Variants in SLC9C2 observed in about 807,000 individuals in gnomAD.
SLC9C2 encodes the protein solute carrier family 9 member C2 (putative), also known as sodium/hydrogen exchanger 11.
In SLC9C2, 75 loss-of-function variants were observed where a neutral mutation model predicts 140.2. That is an observed-to-expected ratio of 0.53 (90% confidence interval 0.44 to 0.65). The LOEUF (loss-of-function observed/expected upper bound fraction) is 0.65. SLC9C2 is among the 30% of genes least tolerant of loss of function. SLC9C2 has a pLI of 0.00. For missense variants in SLC9C2, 1,074 were observed against 1,331.8 expected (o/e 0.81, Z 3.01); for synonymous variants, 375 against 420.9 (o/e 0.89, Z 1.34).
At chr1:173,587,588 G>A (rs1211666119) in intron 5 of SLC9C2, 77 bp downstream of exon 5, 3 of 1,356,652 alleles carry the variant, frequency 2.2e-6, no homozygotes, top group Admixed American at 2.2e-5. Flanking sequence ...CACAATTCAT[G>A]CAAGAAAAAT....
intron 17 of SLC9C2, among the ~76,000 whole-genome samples, chr1:173,531,262 G>A (rs147718319): frequency 7.9e-4 from 121 of 152,290 alleles, no homozygotes; most frequent in Admixed American, 2.6e-3. Flanking sequence ...ATTTGTCAGA[G>A]CATGCTAGAC....
At chr1:173,567,852 A>G (rs1245776726) in intron 9 of SLC9C2, among the ~76,000 whole-genome samples, 1 of 152,124 alleles carries the variant, frequency 6.6e-6, no homozygotes, top group East Asian at 1.9e-4. Context: ...GGTTACCATG[A>G]AGCTGGTAAA....
Position 173,581,932 on chromosome 1 carries a change from A to C in SLC9C2, c.717T>G (p.Ile239Met). Reference protein sequence around the residue: ...IIFGYWCAKIIQCILADVFSN... With the variant: ...IIFGYWCAKIMQCILADVFSN... ...TAAAAACGTCAGCCAATATACACTG[A>C]ATGATTTTTGCACACCAATATCCAA... The change falls in exon 7 of 28, where the codon ATT (isoleucine) becomes ATG (methionine). Residue 239 changes from isoleucine to methionine, a missense_variant. Ile to Met is a conservative substitution (Grantham distance 10). Coordinates refer to ENST00000367714, the MANE Select transcript of SLC9C2 (RefSeq NM_178527.4). 6.2e-7 allele frequency: 1 copy of C among 1,608,166 alleles called. No individual in the cohort carries two copies. The highest frequency in any genetic ancestry group is 1.1e-5 in the South Asian group (1 of 90,038).
At chr1:173,583,416 T>C in intron 6 of SLC9C2, 90 bp downstream of exon 6, 1 of 737,344 alleles carries the variant, frequency 1.4e-6, no homozygotes. Flanking sequence ...AAGTAAAGTA[T>C]AGAGAAGGCA....
chr1:173,587,164 G>T (rs1025005181), intron 5 of SLC9C2, among the ~76,000 whole-genome samples: 2 of 152,140 alleles, frequency 1.3e-5, no homozygotes, highest in Non-Finnish European at 2.9e-5. Flanking sequence ...ACATTTGAGT[G>T]CCAAACTATA....
chr1:173,563,998 C>G (rs1179588968), intron 9 of SLC9C2, among the ~76,000 whole-genome samples: 2 of 152,086 alleles, frequency 1.3e-5, no homozygotes, highest in Admixed American at 6.6e-5. Context: ...ACATAATGAC[C>G]TCCAGTTCTT....
chr1:173,589,485 A>C (rs1666038608), intron 4 of SLC9C2, among the ~76,000 whole-genome samples: 1 of 152,140 alleles, frequency 6.6e-6, no homozygotes, highest in Non-Finnish European at 1.5e-5. Flanking sequence ...ACTTGAGCCC[A>C]GGAGGTCGAG....
At position 173,533,720 on chromosome 1, in the gene SLC9C2, A is replaced by C; in HGVS notation, c.2052T>G (p.Ile684Met). The C allele has an allele frequency of 6.2e-7, 1 of 1,609,860 alleles. No homozygotes were observed. Among genetic ancestry groups the C allele is most frequent in the South Asian group, 1.1e-5 (1 of 90,858 alleles). Reference sequence around the variant, plus strand: ...TCACAAAGTATACACAAAAGATATCAATGATTCCAATAACCAGGATAAAAA... The same window carrying C: ...TCACAAAGTATACACAAAAGATATCCATGATTCCAATAACCAGGATAAAAA... ...LEFFILVIGIIDIFCVYFVKL... is the reference protein window; with the variant it reads ...LEFFILVIGIMDIFCVYFVKL... Residue 684 changes from isoleucine (I) to methionine (M), a missense_variant, in exon 17 of 28, where the codon ATT becomes ATG. By Grantham distance (10) the Ile-to-Met change is conservative. Coordinates refer to ENST00000367714, the MANE Select transcript of SLC9C2 (RefSeq NM_178527.4).
rs762294313 is a variant in SLC9C2, at chr1:173,524,964, T to C, written c.2366-37A>G. On this transcript the variant is annotated intron_variant, in intron 19 of 27. Coordinates refer to ENST00000367714, the MANE Select transcript of SLC9C2 (RefSeq NM_178527.4). The stretch of plus-strand genomic sequence containing the variant: ...AAAATAAAATTCAGTAAGTGGCCTA[T>C]GCAATAACCACAATAACTAATATTA... The C allele has an allele frequency of 7.6e-5, 122 of 1,601,724 alleles. No homozygotes were observed. The East Asian group carries it at 2.4e-3, about 32-fold the overall frequency.
chr1:173,514,778 A>T lies in SLC9C2; in HGVS notation c.2907+2759T>A, dbSNP rs148133638. On this transcript the variant is annotated intron_variant, in intron 23 of 27. Coordinates refer to ENST00000367714, the MANE Select transcript of SLC9C2 (RefSeq NM_178527.4). Reference sequence around the variant, plus strand: ...CTTTATATATTTGGAGTGTTTTTGCAGTGGCTGGTACCAGTTGTTCCTTTC... The same window carrying T: ...CTTTATATATTTGGAGTGTTTTTGCTGTGGCTGGTACCAGTTGTTCCTTTC... Among the ~76,000 whole-genome samples the T allele has an allele frequency of 7.2e-5, 11 of 152,270 alleles. 1 individual carries two copies. In the South Asian group the frequency reaches 2.3e-3, roughly 32 times the overall value.
At chr1:173,544,362 G>A (rs1356659637) in intron 13 of SLC9C2, among the ~76,000 whole-genome samples, 3 of 152,098 alleles carry the variant, frequency 2.0e-5, no homozygotes, top group African/African-American at 2.4e-5. Context: ...GAAACAACAG[G>A]TGCTGGAGAG....
At chr1:173,585,575 G>A (rs1665802578) in intron 5 of SLC9C2, among the ~76,000 whole-genome samples, 3 of 152,048 alleles carry the variant, frequency 2.0e-5, no homozygotes, top group Admixed American at 2.0e-4. Context: ...AATGCTACTG[G>A]ATCCAGAATC....
rs752057858 is a variant in SLC9C2, at chr1:173,523,963, C to A, written c.2640+6G>T. 6.2e-7 allele frequency: 1 copy of A among 1,604,108 alleles called. No homozygotes were observed. Among genetic ancestry groups the A allele is most frequent in the African/African-American group, 1.3e-5 (1 of 74,444 alleles). ...CCTGAGCCAGAATAGAAAACGGAAT[C>A]TTTACCTTGAAGAAGTCAATGAGAA... On this transcript the variant is annotated splice_donor_region_variant and intron_variant, in intron 21 of 27. Transcript: ENST00000367714.
chr1:173,509,351 A>G (rs1412700068), intron 24 of SLC9C2, among the ~76,000 whole-genome samples: 1 of 151,978 alleles, frequency 6.6e-6, no homozygotes, highest in Non-Finnish European at 1.5e-5. Context: ...AGGCTGAGGC[A>G]GGAGAATTGC....
intron 18 of SLC9C2, among the ~76,000 whole-genome samples, chr1:173,528,642 G>A (rs1394828110): frequency 6.6e-6 from 1 of 152,134 alleles, no homozygotes; most frequent in African/African-American, 2.4e-5. Context: ...TCTCTTGACT[G>A]AGGTAACGTA....
chr1:173,599,022 T>C (rs918361089), intron 3 of SLC9C2, among the ~76,000 whole-genome samples: 5 of 152,238 alleles, frequency 3.3e-5, no homozygotes, highest in South Asian at 4.1e-4. Context: ...TGGTATATAT[T>C]ATATGAAGCT....
intron 13 of SLC9C2, among the ~76,000 whole-genome samples, chr1:173,546,794 G>A (rs952925121): frequency 2.0e-5 from 3 of 151,904 alleles, no homozygotes; most frequent in African/African-American, 4.8e-5. Flanking sequence ...CCACTGAGTC[G>A]ACATTTGATG....
intron 27 of SLC9C2, among the ~76,000 whole-genome samples, chr1:173,502,270 C>T (rs567752169): frequency 2.8e-5 from 2 of 70,294 alleles, no homozygotes; most frequent in East Asian, 8.9e-4. Flanking sequence ...GAGATTCCAT[C>T]TCAAAAAAAA....
chr1:173,596,674 T>C (rs1666468607), intron 4 of SLC9C2: 2 of 152,094 alleles, frequency 1.3e-5, no homozygotes, highest in African/African-American at 2.4e-5. Context: ...GCAGAAATTA[T>C]CAACCTGTAT....
Sources: allele counts gnomAD v4.1 joint callset (sites outside exome capture counted in the v4.1 genomes callset), GRCh38; gene constraint gnomAD v4.1.1; transcripts MANE v1.5; gene names NCBI Gene and HGNC (gene_info 2026-07-23, HGNC 2026-07-21).